CENPA: variants seen among roughly 807,000 people sequenced by gnomAD.
CENPA encodes the protein centromere protein A.
Under a neutral mutation model 17.2 loss-of-function variants are expected in CENPA, and 7 were observed. That is an observed-to-expected ratio of 0.41 (90% CI 0.23 to 0.76). The LOEUF (loss-of-function observed/expected upper bound fraction) is 0.76, where lower values mean the gene tolerates loss of function less well. Among genes scored for constraint, CENPA ranks in the 30% least tolerant of loss-of-function variants. The pLI, the probability that CENPA is intolerant of heterozygous loss-of-function variation, is 0.34. For synonymous variants in CENPA, 82 were observed against 77.4 expected (o/e 1.06, Z -0.31); for missense variants, 149 against 193.1 (o/e 0.77, Z 1.35).
At chr2:26,786,768 A>G (rs1390390196) in intron 1 of CENPA, among the ~76,000 whole-genome samples, 1 of 152,168 alleles carries the variant, frequency 6.6e-6, no homozygotes, top group Non-Finnish European at 1.5e-5. Flanking sequence ...TTCGGTGACG[A>G]TTTCAAACAG....
At chr2:26,792,577 C>A in intron 2 of CENPA, 179 bp from the exon 3 acceptor site, 1 of 723,004 alleles carries the variant, frequency 1.4e-6, no homozygotes, top group South Asian at 1.5e-5. Flanking sequence ...GTAAGAGATC[C>A]GCCAGTTCCT....
At chr2:26,790,547 A>G (rs571541751) in intron 1 of CENPA, among the ~76,000 whole-genome samples, 46 of 152,260 alleles carry the variant, frequency 3.0e-4, no homozygotes, top group African/African-American at 1.0e-3. Flanking sequence ...GCTGGTCTCG[A>G]ACTCCTGACC....
At position 26,788,921 on chromosome 2, in the gene CENPA, C is replaced by T. The variant is rs151137432; in HGVS notation, c.100+2625C>T. Among the ~76,000 whole-genome samples, 271 of 152,302 alleles carry T rather than the reference C, an allele frequency of 1.8e-3. 2 individuals are homozygous for T. Among genetic ancestry groups the T allele is most frequent in the African/African-American group, 6.3e-3 (263 of 41,564 alleles). ...AACTGCCAACCTCAAGTGATCCGCC[C>T]ACCTTGGCCTCCCAGAGTGCTGGGA... is the stretch of plus-strand genomic sequence containing the variant. On this transcript the variant is annotated intron_variant, in intron 1 of 4. Coordinates refer to ENST00000335756, the MANE Select transcript of CENPA (RefSeq NM_001809.4).
chr2:26,788,307 A>G (rs1227690791), intron 1 of CENPA, among the ~76,000 whole-genome samples: 1 of 152,000 alleles, frequency 6.6e-6, no homozygotes, highest in Non-Finnish European at 1.5e-5. Flanking sequence ...CTGCACCACC[A>G]TGCTTGACTA....
chr2:26,789,356 G>T (rs1322181318), intron 1 of CENPA, among the ~76,000 whole-genome samples: 1 of 152,008 alleles, frequency 6.6e-6, no homozygotes, highest in Admixed American at 6.6e-5. Context: ...CACTCTGGCA[G>T]TTCTGCTTGG....
intron 1 of CENPA, among the ~76,000 whole-genome samples, chr2:26,786,571 C>T (rs752918364): frequency 6.6e-6 from 1 of 152,268 alleles, no homozygotes; most frequent in African/African-American, 2.4e-5. Context: ...CACCGCCAAC[C>T]AGGCATTGCC....
intron 2 of CENPA, 179 bp from the exon 3 acceptor site, chr2:26,792,577 C>T (rs777134790): frequency 1.1e-5 from 8 of 723,004 alleles, no homozygotes; most frequent in Admixed American, 1.0e-4. Context: ...GTAAGAGATC[C>T]GCCAGTTCCT....
intron 1 of CENPA, among the ~76,000 whole-genome samples, chr2:26,787,528 TTTG>T (rs1400748427): frequency 6.6e-6 from 1 of 150,482 alleles, no homozygotes; most frequent in Non-Finnish European, 1.5e-5. Context: ...TTTTTGGTTT[TTTG>T]TTGTTTTTTT....
chr2:26,794,259 T>C lies in CENPA; in HGVS notation c.*495T>C, dbSNP rs1014324712. 6.6e-6 allele frequency: 1 copy of C among 152,270 alleles called. No homozygotes were observed. The highest frequency in any genetic ancestry group is 1.5e-5 in the Non-Finnish European group (1 of 68,050). The allele number at this position is 152,270 out of a possible 1,614,324, so 9.4% of individuals were successfully genotyped here. A position where few individuals can be genotyped will look rare whatever the true frequency, so the allele number is the denominator to read the frequency against. On this transcript the variant is annotated 3_prime_UTR_variant, in exon 5 of 5. Coordinates refer to ENST00000335756, the MANE Select transcript of CENPA (RefSeq NM_001809.4). ...TGGAAGGCTGGGCATTTCCATCATA[T>C]AGACCTCTGCCCTTCAGAGTAGCCT... is the stretch of plus-strand genomic sequence containing the variant.
At chr2:26,788,855 AG>A (rs1013951419) in intron 1 of CENPA, among the ~76,000 whole-genome samples, 1 of 152,080 alleles carries the variant, frequency 6.6e-6, no homozygotes, top group Non-Finnish European at 1.5e-5. Flanking sequence ...TTGTGTTTTT[AG>A]TAGAGACGGG....
chr2:26,791,989 C>A, intron 1 of CENPA, 142 bp from the exon 2 acceptor site: 1 of 714,554 alleles, frequency 1.4e-6, no homozygotes, highest in Non-Finnish European at 2.4e-6. Flanking sequence ...ACTTTTGCAG[C>A]AACCTAATAA....
At position 26,786,252 on chromosome 2, in the gene CENPA, G is replaced by GCCCGAC. The variant is rs1383254800; in HGVS notation, c.66_71dup (p.Thr23_Pro24dup). 34 of 1,375,830 alleles carry GCCCGAC rather than the reference G, an allele frequency of 2.5e-5. No homozygotes were observed. The highest frequency in any genetic ancestry group is 1.5e-4 in the East Asian group (5 of 32,594). The allele number at this position is 1,375,830 out of a possible 1,614,324, so 85.2% of individuals were successfully genotyped here. On this transcript the variant is annotated inframe_insertion, in exon 1 of 5. Coordinates refer to ENST00000335756, the MANE Select transcript of CENPA (RefSeq NM_001809.4). ...GAGGCCCCGAGGAGGCGCAGCCCGA[G>GCCCGAC]CCCGACCCCGACCCCCGGCCCCTCC...
intron 1 of CENPA, among the ~76,000 whole-genome samples, chr2:26,787,696 A>C (rs1216340437): frequency 1.3e-5 from 2 of 151,986 alleles, no homozygotes; most frequent in Non-Finnish European, 2.9e-5. Flanking sequence ...TTGTATTTTT[A>C]GTAGAGGTGG....
rs907193346 is a variant in CENPA, at chr2:26,790,487, C to T, written c.101-1644C>T. 7.2e-5 allele frequency among the ~76,000 whole-genome samples: 11 copies of T among 152,132 alleles called. No individual in the cohort carries two copies. In the East Asian group the frequency reaches 7.7e-4, roughly 11 times the overall value. ...GATTACAGGTGCCTGCCACCATGCCCGGCTAATTTTTGTATTTTTAGTAGA... is the reference window on the plus strand; with the variant it reads ...GATTACAGGTGCCTGCCACCATGCCTGGCTAATTTTTGTATTTTTAGTAGA... On this transcript the variant is annotated intron_variant, in intron 1 of 4. Coordinates refer to ENST00000335756, the MANE Select transcript of CENPA (RefSeq NM_001809.4).
intron 1 of CENPA, 125 bp from the exon 2 acceptor site, chr2:26,792,006 C>A: frequency 2.4e-6 from 2 of 820,502 alleles, no homozygotes; most frequent in Non-Finnish European, 4.0e-6. Context: ...ATAAAACAGA[C>A]AAAAATCCCT....
chr2:26,792,207 C>T lies in CENPA; in HGVS notation c.177C>T (p.His59=), dbSNP rs1419454905. ...TCCGAAAGCTTCAGAAGAGCACACA[C>T]CTCTTGATAAGGAAGCTGCCCTTCA... is the stretch of plus-strand genomic sequence containing the variant. The part of the protein sequence containing the change: ...KEIRKLQKST[H]LLIRKLPFSR... Residue 59 remains histidine, a synonymous_variant, in exon 2 of 5, where the codon CAC becomes CAT. Transcript: ENST00000335756. 3.7e-6 allele frequency: 6 copies of T among 1,613,716 alleles called. No individual in the cohort carries two copies. The East Asian group carries it at 6.7e-5, about 18-fold the overall frequency.
intron 1 of CENPA, among the ~76,000 whole-genome samples, chr2:26,788,734 G>A (rs568795482): frequency 3.3e-5 from 5 of 152,334 alleles, no homozygotes; most frequent in East Asian, 1.9e-4. Flanking sequence ...GGAGAGCAAC[G>A]GCGTGATCTC....
intron 4 of CENPA, 84 bp downstream of exon 4, chr2:26,793,410 C>G (rs1267479302): frequency 8.1e-7 from 1 of 1,240,160 alleles, no homozygotes; most frequent in African/African-American, 1.5e-5. Flanking sequence ...TGTCACCTCG[C>G]CTTCCCTTTG....
In CENPA at chr2:26,786,230, G is replaced by A; in HGVS notation, c.34G>A (p.Ala12Thr). ...GPRRRSRKPE[A>T]PRRRSPSPTP... is the part of the protein sequence containing the mutation. ...GCGCCGCCGGAGCCGAAAGCCCGAGGCCCCGAGGAGGCGCAGCCCGAGCCC... is the reference window on the plus strand; with the variant it reads ...GCGCCGCCGGAGCCGAAAGCCCGAGACCCCGAGGAGGCGCAGCCCGAGCCC... The change falls in exon 1 of 5, where the codon GCC becomes ACC. Residue 12 changes from alanine (A) to threonine (T), a missense_variant. Transcript: ENST00000335756. The A allele has an allele frequency of 7.0e-7, 1 of 1,431,268 alleles. No homozygotes were observed. The highest frequency in any genetic ancestry group is 9.1e-7 in the Non-Finnish European group (1 of 1,099,202). The allele number at this position is 1,431,268 out of a possible 1,614,324, so 88.7% of individuals were successfully genotyped here.
Sources: gnomAD v4.1 joint callset for allele counts (sites outside exome capture counted in the v4.1 genomes callset) on GRCh38, gnomAD v4.1.1 for gene constraint, MANE v1.5 for transcripts, NCBI Gene and HGNC (gene_info 2026-07-23, HGNC 2026-07-21) for gene names.